Variants in NUP133 observed in about 807,000 individuals in gnomAD.
NUP133 encodes the protein nuclear pore complex protein Nup133.
NUP133 carries 66 observed loss-of-function variants against 146.2 expected under a neutral mutation model. The ratio of observed to expected loss-of-function variants is 0.45; its 90% CI spans 0.37 to 0.55. The LOEUF (loss-of-function observed/expected upper bound fraction) is 0.55. NUP133 is among the 20% of genes least tolerant of loss of function. The pLI, the probability that NUP133 is intolerant of heterozygous loss-of-function variation, is 0.00. For synonymous variants in NUP133, 521 were observed against 498.8 expected (o/e 1.04, Z -0.59); for missense variants, 1,277 against 1,374.8 (o/e 0.93, Z 1.12).
At chr1:229,448,894 CA>C (rs1416253350) in intron 24 of NUP133, 1 of 517,794 alleles carries the variant, frequency 1.9e-6, no homozygotes, top group Non-Finnish European at 3.4e-6. Context: ...GCATCAAAGT[CA>C]GGGGCAGTCT....
intron 22 of NUP133, among the ~76,000 whole-genome samples, chr1:229,451,241 G>C (rs932652357): frequency 2.0e-5 from 3 of 151,888 alleles, no homozygotes; most frequent in Non-Finnish European, 4.4e-5. Context: ...TCTACAAAAA[G>C]TATAAAAATT....
chr1:229,504,959 C>T (rs1661897122), intron 2 of NUP133, among the ~76,000 whole-genome samples: 1 of 152,306 alleles, frequency 6.6e-6, no homozygotes, highest in South Asian at 2.1e-4. Context: ...CCCAGGGACA[C>T]GTGTGGCCCA....
At chr1:229,486,665 C>T (rs1030995489) in intron 10 of NUP133, 137 bp from the exon 11 acceptor site, 6 of 716,750 alleles carry the variant, frequency 8.4e-6, no homozygotes, top group African/African-American at 3.8e-5. Context: ...AGTCCTACTT[C>T]GAACTCATCC....
At chr1:229,445,955 A>G (rs898473154) in intron 24 of NUP133, among the ~76,000 whole-genome samples, 2 of 152,188 alleles carry the variant, frequency 1.3e-5, no homozygotes, top group Non-Finnish European at 2.9e-5. Flanking sequence ...TGAGTAGGAG[A>G]AGGCTTTTAG....
intron 14 of NUP133, among the ~76,000 whole-genome samples, chr1:229,472,115 C>T (rs1157883297): frequency 6.6e-6 from 1 of 151,528 alleles, no homozygotes; most frequent in East Asian, 2.0e-4. Flanking sequence ...TTCAGGAGAT[C>T]GAGACCATCC....
intron 2 of NUP133, among the ~76,000 whole-genome samples, chr1:229,504,986 G>A (rs1012068836): frequency 9.9e-5 from 15 of 152,020 alleles, no homozygotes; most frequent in Admixed American, 5.3e-4. Context: ...CTTTGAATGC[G>A]GTCCAACACA....
chr1:229,470,585 T>A lies in NUP133; in HGVS notation c.2071A>T (p.Arg691Trp), dbSNP rs1384629165. The A allele has an allele frequency of 6.2e-7, 1 of 1,613,746 alleles. No individual in the cohort carries two copies. The highest frequency in any genetic ancestry group is 1.3e-5 in the African/African-American group (1 of 75,034). The stretch of plus-strand genomic sequence containing the variant: ...TGAAAGAGGACTCATCTTACCTCCC[T>A]GAAAAAGACATCTGCAGGAGTCAGG... Reference protein sequence around the residue: ...SNLTPADVFFREVSQVDTICE... With the variant: ...SNLTPADVFFWEVSQVDTICE... Residue 691 changes from arginine to tryptophan, a missense_variant, in exon 15 of 26, where the codon AGG becomes TGG. By Grantham distance (101) the Arg-to-Trp change is moderately radical (BLOSUM62 -3). Transcript: ENST00000261396.
At chr1:229,481,147 T>C (rs1212318956) in intron 12 of NUP133, among the ~76,000 whole-genome samples, 1 of 152,124 alleles carries the variant, frequency 6.6e-6, no homozygotes, top group Non-Finnish European at 1.5e-5. Flanking sequence ...TTGGGCAGGA[T>C]GAGTTCAGCA....
At position 229,487,584 on chromosome 1, in the gene NUP133, C is replaced by T. The variant is rs755531251; in HGVS notation, c.1224G>A (p.Thr408=). The change falls in exon 10 of 26, where the codon ACG becomes ACA. Residue 408 remains threonine (T), a synonymous_variant. Transcript: ENST00000261396. ...CAGTCTGGTTTGAAAAGTTTGGGACCGTCAACTGACACAAAATCAGGTCTT... is the reference window on the plus strand; with the variant it reads ...CAGTCTGGTTTGAAAAGTTTGGGACTGTCAACTGACACAAAATCAGGTCTT... ...QSEDLILCQL[T]VPNFSNQTAY... The T allele has an allele frequency of 3.7e-5, 60 of 1,611,272 alleles. No individual in the cohort carries two copies. Among genetic ancestry groups the T allele is most frequent in the Middle Eastern group, 3.3e-4 (2 of 6,080 alleles).
intron 20 of NUP133, 89 bp from the exon 21 acceptor site, chr1:229,458,385 C>T (rs1057277578): frequency 3.8e-6 from 5 of 1,327,358 alleles, no homozygotes; most frequent in Non-Finnish European, 5.2e-6. Flanking sequence ...TGTTTTTCTC[C>T]CCTAAGCCGT....
intron 8 of NUP133, among the ~76,000 whole-genome samples, chr1:229,492,771 G>A (rs1004220768): frequency 1.3e-5 from 2 of 152,056 alleles, no homozygotes; most frequent in African/African-American, 4.8e-5. Context: ...GGGGAAGGGT[G>A]GGAGGAGGGT....
intron 3 of NUP133, among the ~76,000 whole-genome samples, 191 bp from the exon 4 acceptor site, chr1:229,501,054 AT>A (rs1416920164): frequency 6.6e-6 from 1 of 152,232 alleles, no homozygotes; most frequent in Non-Finnish European, 1.5e-5. Flanking sequence ...TCTTAAGAGT[AT>A]TGAATCATGA....
chr1:229,500,917 G>A, intron 3 of NUP133, 54 bp from the exon 4 acceptor site: 1 of 1,060,234 alleles, frequency 9.4e-7, no homozygotes, highest in Non-Finnish European at 1.4e-6. Context: ...GTATTTTGAA[G>A]ATGCATCTGA....
chr1:229,496,205 G>A (rs1000291488), intron 6 of NUP133, among the ~76,000 whole-genome samples, 158 bp from the exon 7 acceptor site: 41 of 152,192 alleles, frequency 2.7e-4, no homozygotes, highest in Non-Finnish European at 1.2e-4. Flanking sequence ...CGGGTGTGGT[G>A]TCTTACCCCT....
rs529647655 is a variant in NUP133, at chr1:229,486,458, C to T, written c.1413G>A (p.Val471=). 1 of 1,611,250 alleles carries T rather than the reference C, an allele frequency of 6.2e-7. No homozygotes were observed. The highest frequency in any genetic ancestry group is 8.5e-7 in the Non-Finnish European group (1 of 1,179,108). The part of the protein sequence containing the change: ...PIIFSRNSGL[V]SITSRENVSI... ...ACACATTTTCCCTTGAAGTAATAGA[C>T]ACCAGTCCACTGTTTCTAGAAAAAA... Residue 471 remains valine, a synonymous_variant, in exon 11 of 26, where the codon GTG becomes GTA. Coordinates refer to ENST00000261396, the MANE Select transcript of NUP133 (RefSeq NM_018230.3).
At chr1:229,477,470 AT>A in intron 13 of NUP133, 126 bp downstream of exon 13, 2 of 721,966 alleles carry the variant, frequency 2.8e-6, no homozygotes, top group Non-Finnish European at 4.0e-6. Context: ...AGGTCACAAT[AT>A]TTTAAAAAAT....
intron 9 of NUP133, among the ~76,000 whole-genome samples, chr1:229,487,838 ATTTTTTT>A (rs10565327): frequency 7.6e-5 from 9 of 118,164 alleles, no homozygotes; most frequent in Non-Finnish European, 1.5e-4. Context: ...TGCTTTTTTA[ATTTTTTT>A]TTTTTTTTTT....
chr1:229,490,700 C>A (rs865895999), intron 8 of NUP133, among the ~76,000 whole-genome samples: 1 of 152,258 alleles, frequency 6.6e-6, no homozygotes, highest in East Asian at 1.9e-4. Context: ...CGGTGGCTCA[C>A]GTCTGTAATC....
At chr1:229,472,162 AC>A (rs1341514167) in intron 14 of NUP133, among the ~76,000 whole-genome samples, 2 of 151,986 alleles carry the variant, frequency 1.3e-5, no homozygotes, top group African/African-American at 4.8e-5. Context: ...TACTAAAAAT[AC>A]AAAAAATTAG....
Sources: gnomAD v4.1 joint callset for allele counts (sites outside exome capture counted in the v4.1 genomes callset) on GRCh38, gnomAD v4.1.1 for gene constraint, MANE v1.5 for transcripts, NCBI Gene and HGNC (gene_info 2026-07-23, HGNC 2026-07-21) for gene names.